Variants in HGF observed in about 807,000 individuals in gnomAD.
HGF encodes fibroblast-derived tumor cytotoxic factor.
HGF carries 39 observed loss-of-function variants against 111.6 expected under a neutral mutation model. The ratio of observed to expected loss-of-function variants is 0.35; its 90% CI spans 0.27 to 0.46. HGF has a LOEUF of 0.46. Ranked by LOEUF, HGF falls within the 20% of genes least tolerant of loss-of-function variation. The pLI is 1.00. For synonymous variants in HGF, 285 were observed against 294.8 expected, an observed-to-expected ratio of 0.97 and a Z score of 0.34; for missense variants, 735 against 910.5, an observed-to-expected ratio of 0.81 and a Z score of 2.48.
chr7:81,719,868 T>C (rs1269016641), intron 10 of HGF, among the ~76,000 whole-genome samples: 1 of 152,222 alleles, frequency 6.6e-6, no homozygotes, highest in African/African-American at 2.4e-5. Context: ...CTCTGAGCCC[T>C]TAAATTCCTA....
intron 2 of HGF, among the ~76,000 whole-genome samples, chr7:81,761,127 T>C (rs1366345317): frequency 6.6e-6 from 1 of 152,182 alleles, no homozygotes; most frequent in African/African-American, 2.4e-5. Context: ...AATACAACTC[T>C]ATCCTCCTCA....
intron 10 of HGF, among the ~76,000 whole-genome samples, chr7:81,718,521 C>T (rs1207681391): frequency 6.6e-6 from 1 of 152,152 alleles, no homozygotes; most frequent in African/African-American, 2.4e-5. Flanking sequence ...TGTCCTTAAG[C>T]CAAAATGGTA....
At chr7:81,750,491 G>A (rs544845469) in intron 5 of HGF, among the ~76,000 whole-genome samples, 5 of 152,158 alleles carry the variant, frequency 3.3e-5, no homozygotes, top group Non-Finnish European at 5.9e-5. Context: ...AATTATTAAA[G>A]ATACTAGACA....
At chr7:81,721,202 G>C (rs1362940209) in intron 9 of HGF, among the ~76,000 whole-genome samples, 1 of 152,058 alleles carries the variant, frequency 6.6e-6, no homozygotes, top group Non-Finnish European at 1.5e-5. Flanking sequence ...AGCCGAGATG[G>C]CGCCACTGCA....
chr7:81,759,480 A>G (rs1163803495), intron 2 of HGF, among the ~76,000 whole-genome samples: 1 of 152,166 alleles, frequency 6.6e-6, no homozygotes, highest in African/African-American at 2.4e-5. Context: ...AATATTTCCT[A>G]AACAGGTTTG....
chr7:81,705,929 A>T (rs1789413507), intron 15 of HGF, among the ~76,000 whole-genome samples, 176 bp from the exon 16 acceptor site: 1 of 151,398 alleles, frequency 6.6e-6, no homozygotes, highest in African/African-American at 2.4e-5. Context: ...TGGAATAGGT[A>T]GTAAAGAAAT....
At chr7:81,716,207 A>T (rs1789708899) in intron 11 of HGF, among the ~76,000 whole-genome samples, 1 of 152,180 alleles carries the variant, frequency 6.6e-6, no homozygotes, top group Non-Finnish European at 1.5e-5. Context: ...TGCTACTGGC[A>T]TCTAGTGGAT....
At chr7:81,732,388 C>G (rs1040231074) in intron 7 of HGF, among the ~76,000 whole-genome samples, 1 of 152,134 alleles carries the variant, frequency 6.6e-6, no homozygotes, top group African/African-American at 2.4e-5. Flanking sequence ...AAGGTAACTT[C>G]CTACTGTAAG....
At chr7:81,717,152 C>A in intron 11 of HGF, 80 bp downstream of exon 11, 6 of 1,416,160 alleles carry the variant, frequency 4.2e-6, no homozygotes, top group Non-Finnish European at 5.0e-6. Context: ...TGCCAGACCA[C>A]CTATATTATT....
At chr7:81,760,092 C>T (rs1000207363) in intron 2 of HGF, among the ~76,000 whole-genome samples, 2 of 152,158 alleles carry the variant, frequency 1.3e-5, no homozygotes, top group African/African-American at 4.8e-5. Flanking sequence ...TTATTTTACA[C>T]CTCCATATAA....
At chr7:81,763,495 A>G (rs1349403090) in intron 1 of HGF, among the ~76,000 whole-genome samples, 1 of 152,170 alleles carries the variant, frequency 6.6e-6, no homozygotes, top group Non-Finnish European at 1.5e-5. Context: ...AATGCTGTAA[A>G]TCAAATGTAT....
intron 11 of HGF, among the ~76,000 whole-genome samples, chr7:81,716,832 A>G (rs1001058086): frequency 1.3e-5 from 2 of 152,108 alleles, no homozygotes; most frequent in Non-Finnish European, 2.9e-5. Context: ...AGATCTGCTC[A>G]CGGCTTTTTA....
rs73155686 is a variant in HGF at position 81,700,412 on chromosome 7, T to C, written c.*2169A>G. The stretch of plus-strand genomic sequence containing the variant: ...GTATTGTTTTTAGCCTTTAATAAAA[T>C]GAAAAATACTAGCCTCAAAATGTCT... On this transcript the variant is annotated 3_prime_UTR_variant, in exon 18 of 18. Coordinates refer to ENST00000222390, the MANE Select transcript of HGF (RefSeq NM_000601.6). The C allele has an allele frequency of 6.6e-6, 1 of 151,752 alleles. No homozygotes were observed. The highest frequency in any genetic ancestry group is 1.5e-5 in the Non-Finnish European group (1 of 67,696). The allele number at this position is 151,752 out of a possible 1,614,324, so 9.4% of individuals were successfully genotyped here.
At chr7:81,738,701 G>A (rs1379457745) in intron 7 of HGF, among the ~76,000 whole-genome samples, 1 of 152,114 alleles carries the variant, frequency 6.6e-6, no homozygotes, top group Non-Finnish European at 1.5e-5. Context: ...AACGTTGGCT[G>A]GCAGATGTGA....
At chr7:81,726,809 A>G (rs1790023951) in intron 8 of HGF, among the ~76,000 whole-genome samples, 2 of 151,994 alleles carry the variant, frequency 1.3e-5, no homozygotes, top group African/African-American at 4.8e-5. Context: ...ATGGTTTTCT[A>G]TCAATATAAA....
intron 11 of HGF, among the ~76,000 whole-genome samples, chr7:81,716,426 A>G (rs1015885749): frequency 5.3e-5 from 8 of 152,150 alleles, no homozygotes; most frequent in Non-Finnish European, 7.4e-5. Context: ...GGTCCTCACT[A>G]ATACTGGATA....
At chr7:81,746,969 A>G (rs1788282546) in intron 5 of HGF, among the ~76,000 whole-genome samples, 1 of 152,134 alleles carries the variant, frequency 6.6e-6, no homozygotes, top group Non-Finnish European at 1.5e-5. Flanking sequence ...ACTAATAACA[A>G]GCTCCCAGGC....
intron 8 of HGF, among the ~76,000 whole-genome samples, chr7:81,726,939 T>C (rs926540624): frequency 6.6e-6 from 1 of 152,006 alleles, no homozygotes; most frequent in Non-Finnish European, 1.5e-5. Flanking sequence ...ATATTAATAT[T>C]CAATCTTTTG....
chr7:81,723,134 G>A (rs1259864034), intron 9 of HGF, among the ~76,000 whole-genome samples: 2 of 151,832 alleles, frequency 1.3e-5, no homozygotes, highest in African/African-American at 4.8e-5. Flanking sequence ...GTTTACCTAT[G>A]TAACAAACCT....
Sources: gnomAD v4.1 joint callset for allele counts (sites outside exome capture counted in the v4.1 genomes callset) on GRCh38, gnomAD v4.1.1 for gene constraint, MANE v1.5 for transcripts, NCBI Gene and HGNC (gene_info 2026-07-23, HGNC 2026-07-21) for gene names.